The following DLGAP2 variants were observed in gnomAD, a reference collection of about 807,000 sequenced individuals.
The protein encoded by DLGAP2 is disks large-associated protein 2.
In DLGAP2, 26 loss-of-function variants were observed where a neutral mutation model predicts 100.3. The observed-to-expected ratio is 0.26, with a 90% CI of 0.19 to 0.36. The LOEUF (loss-of-function observed/expected upper bound fraction) is 0.36, where lower values mean the gene tolerates loss of function less well. Among genes scored for constraint, DLGAP2 ranks in the 10% least tolerant of loss-of-function variants. DLGAP2 has a pLI of 1.00. For synonymous variants in DLGAP2, 886 were observed against 630.1 expected, an observed-to-expected ratio of 1.41 and a Z score of -6.08; for missense variants, 1,858 against 1,453.2, an observed-to-expected ratio of 1.28 and a Z score of -4.53.
chr8:1,241,108 C>G (rs1798783077), intron 2 of DLGAP2, among the ~76,000 whole-genome samples: 1 of 114,652 alleles, frequency 8.7e-6, no homozygotes, highest in Non-Finnish European at 1.8e-5. Context: ...GGCGCCGTGT[C>G]TGGTTCTCTC....
At chr8:849,469 C>A (rs139173977) in intron 1 of DLGAP2, among the ~76,000 whole-genome samples, 1 of 152,144 alleles carries the variant, frequency 6.6e-6, no homozygotes, top group Non-Finnish European at 1.5e-5. Flanking sequence ...AGTTCGATGC[C>A]TGGGATGGGA....
intron 1 of DLGAP2, among the ~76,000 whole-genome samples, chr8:903,338 G>C (rs947020001): frequency 9.2e-5 from 14 of 152,154 alleles, no homozygotes; most frequent in Admixed American, 9.2e-4. Context: ...CAGTTCGAGA[G>C]CAGGGAGGGG....
intron 3 of DLGAP2, among the ~76,000 whole-genome samples, chr8:1,452,033 G>T (rs1032787363): frequency 1.3e-5 from 2 of 152,230 alleles, no homozygotes; most frequent in African/African-American, 4.8e-5. Context: ...TCCCATCCTG[G>T]GCAGCACACA....
chr8:903,946 C>T lies in DLGAP2; in HGVS notation c.19-3966C>T, dbSNP rs556755072. On this transcript the variant is annotated intron_variant, in intron 1 of 14. Transcript: ENST00000637795. ...TGTTCCCCTGGAGGGCGGAGCTGCA[C>T]GGGAGGCATCAGGGAGGGTGAGGAA... Among the ~76,000 whole-genome samples the T allele has an allele frequency of 7.3e-4, 111 of 152,304 alleles. 2 individuals are homozygous for T. Among genetic ancestry groups the T allele is most frequent in the Non-Finnish European group, 5.9e-5 (4 of 68,018 alleles).
At chr8:1,062,382 C>G (rs755164351) in intron 2 of DLGAP2, among the ~76,000 whole-genome samples, 1 of 152,234 alleles carries the variant, frequency 6.6e-6, no homozygotes, top group Admixed American at 6.5e-5. Flanking sequence ...CTGCTTCTCT[C>G]GCAAGGATGT....
intron 6 of DLGAP2, among the ~76,000 whole-genome samples, chr8:1,613,450 A>C (rs1298947091): frequency 6.6e-6 from 1 of 151,896 alleles, no homozygotes; most frequent in Admixed American, 6.6e-5. Flanking sequence ...CTAGATGACG[A>C]GTTAGTGGGT....
intron 2 of DLGAP2, among the ~76,000 whole-genome samples, chr8:1,170,560 C>A (rs376547356): frequency 4.1e-5 from 6 of 147,176 alleles, no homozygotes; most frequent in African/African-American, 1.5e-4. Context: ...ACAATTTCAG[C>A]TCCTGTTATT....
chr8:1,676,771 A>G (rs1798821096), intron 11 of DLGAP2, among the ~76,000 whole-genome samples, 153 bp downstream of exon 11: 1 of 152,218 alleles, frequency 6.6e-6, no homozygotes. Flanking sequence ...ATAACCCTCA[A>G]GTATGAATTA....
At chr8:1,366,846 A>G (rs1802119686) in intron 3 of DLGAP2, among the ~76,000 whole-genome samples, 2 of 152,196 alleles carry the variant, frequency 1.3e-5, no homozygotes, top group Non-Finnish European at 2.9e-5. Context: ...TTACTGAGAG[A>G]TGCAAGAAAT....
chr8:1,689,645 A>G (rs1799205932), intron 12 of DLGAP2, among the ~76,000 whole-genome samples: 1 of 152,064 alleles, frequency 6.6e-6, no homozygotes, highest in Non-Finnish European at 1.5e-5. Context: ...GGGAGAGCAA[A>G]AAGAGCAGGT....
At chr8:937,483 C>T (rs897532756) in intron 2 of DLGAP2, among the ~76,000 whole-genome samples, 4 of 152,048 alleles carry the variant, frequency 2.6e-5, no homozygotes, top group African/African-American at 9.7e-5. Context: ...TTTAGAATGT[C>T]GCATGATTTT....
intron 8 of DLGAP2, among the ~76,000 whole-genome samples, chr8:1,652,273 C>T (rs929828402): frequency 3.9e-5 from 6 of 152,162 alleles, no homozygotes; most frequent in African/African-American, 1.2e-4. Flanking sequence ...CCACGTTCCT[C>T]ATCCTGTTAT....
At chr8:1,353,077 A>G (rs1383073375) in intron 3 of DLGAP2, among the ~76,000 whole-genome samples, 1 of 152,132 alleles carries the variant, frequency 6.6e-6, no homozygotes, top group Non-Finnish European at 1.5e-5. Flanking sequence ...ACAGCAAGAA[A>G]CGACGAAGGA....
intron 2 of DLGAP2, among the ~76,000 whole-genome samples, chr8:952,793 G>A (rs190748018): frequency 7.4e-4 from 112 of 152,220 alleles, no homozygotes; most frequent in Admixed American, 2.4e-3. Flanking sequence ...TCTAATTTCT[G>A]GTATATTAGA....
At chr8:986,488 TA>T (rs1800491073) in intron 2 of DLGAP2, among the ~76,000 whole-genome samples, 1 of 152,120 alleles carries the variant, frequency 6.6e-6, no homozygotes. Context: ...AAGTGTTGCA[TA>T]AGTATAATTT....
chr8:1,199,552 C>G (rs1012446276), intron 2 of DLGAP2, among the ~76,000 whole-genome samples: 1 of 152,292 alleles, frequency 6.6e-6, no homozygotes, highest in Non-Finnish European at 1.5e-5. Context: ...GGTCAGGAGA[C>G]TCAGCAGTTG....
chr8:838,160 C>T (rs1346138521), intron 1 of DLGAP2, among the ~76,000 whole-genome samples: 5 of 152,018 alleles, frequency 3.3e-5, no homozygotes, highest in Admixed American at 2.6e-4. Context: ...ACATACTTTA[C>T]AATAATTTAA....
intron 3 of DLGAP2, among the ~76,000 whole-genome samples, chr8:1,331,116 C>G (rs187386063): frequency 6.6e-6 from 1 of 152,206 alleles, no homozygotes; most frequent in Non-Finnish European, 1.5e-5. Context: ...TACTCATGCA[C>G]GCTTTCTTTC....
At chr8:868,218 AT>A (rs368773347) in intron 1 of DLGAP2, among the ~76,000 whole-genome samples, 1 of 152,246 alleles carries the variant, frequency 6.6e-6, no homozygotes, top group East Asian at 1.9e-4. Flanking sequence ...CTGAGCACTT[AT>A]TTTTGTCTGT....
Sources: gnomAD v4.1 joint callset for allele counts (sites outside exome capture counted in the v4.1 genomes callset) on GRCh38, gnomAD v4.1.1 for gene constraint, MANE v1.5 for transcripts, NCBI Gene and HGNC (gene_info 2026-07-23, HGNC 2026-07-21) for gene names.